The following SPG7 variants were observed in gnomAD, a reference collection of about 807,000 sequenced individuals.
SPG7 encodes the protein SPG7 matrix AAA peptidase subunit, paraplegin.
In SPG7, 103 loss-of-function variants were observed where a neutral mutation model predicts 81.9. The ratio of observed to expected loss-of-function variants is 1.26; its 90% CI spans 1.07 to 1.48. The LOEUF (loss-of-function observed/expected upper bound fraction) is 1.48. Ranked by LOEUF, SPG7 falls within the 40% of genes most tolerant of loss-of-function variation. The pLI is 0.00. For synonymous variants in SPG7, 534 were observed against 444.2 expected (o/e 1.20, Z -2.54); for missense variants, 1,241 against 1,087.3 (o/e 1.14, Z -1.99).
rs562890289 is a variant in SPG7, at chr16:89,544,770, C to T, written c.1447C>T (p.Gln483Ter). The change falls in exon 10 of 17, where the codon CAG (glutamine) becomes TAG (stop). Residue 483 changes from glutamine to a stop codon, truncating the protein, a stop_gained and splice_region_variant. Coordinates refer to ENST00000645818, the MANE Select transcript of SPG7 (RefSeq NM_003119.4). LOFTEE classifies it high-confidence loss of function. ...CGTCTTCATTGATCTCCCCACGCTG[C>T]AGGTCAGAGCCAGGATCCCAGCCTC... ...RHVFIDLPTLQERREIFEQHL... is the reference protein window; with the variant it reads ...RHVFIDLPTL The T allele has an allele frequency of 8.1e-6, 13 of 1,613,994 alleles. No homozygotes were observed. The African/African-American group carries it at 9.3e-5, about 12-fold the overall frequency.
At chr16:89,513,807 C>T (rs2058054086) in intron 3 of SPG7, among the ~76,000 whole-genome samples, 1 of 152,204 alleles carries the variant, frequency 6.6e-6, no homozygotes, top group Middle Eastern at 3.2e-3. Flanking sequence ...TCTAGAAAGG[C>T]ACCTGGCCTT....
chr16:89,531,913 C>A lies in SPG7; in HGVS notation c.997C>A (p.Arg333Ser). 1 of 1,614,098 alleles carries A rather than the reference C, an allele frequency of 6.2e-7. No homozygotes were observed. Among genetic ancestry groups the A allele is most frequent in the Non-Finnish European group, 8.5e-7 (1 of 1,179,944 alleles). ...EFVDYLKSPE[R>S]FLQLGAKVPK... ...GTCTGCTGCCGTCCAGAGCCCAGAA[C>A]GCTTCCTCCAGCTTGGCGCCAAGGT... Residue 333 changes from arginine (R) to serine (S), a missense_variant, in exon 8 of 17, where the codon CGC becomes AGC. Coordinates refer to ENST00000645818, the MANE Select transcript of SPG7 (RefSeq NM_003119.4).
At chr16:89,536,694 G>A (rs1475583130) in intron 9 of SPG7, 32 of 1,585,368 alleles carry the variant, frequency 2.0e-5, no homozygotes, top group Middle Eastern at 2.3e-4. Flanking sequence ...GGGCGGCTGC[G>A]CTGCTCTGGC....
At chr16:89,521,913 C>T (rs1408047573) in intron 3 of SPG7, 4 of 151,548 alleles carry the variant, frequency 2.6e-5, no homozygotes, top group Non-Finnish European at 5.9e-5. Context: ...CTCAGTTTCC[C>T]GGGAGCAGTG....
rs1479632689 is a variant in SPG7 at position 89,553,298 on chromosome 16, A to G, written c.1936+163A>G. 1.4e-5 allele frequency: 11 copies of G among 771,690 alleles called. No individual in the cohort carries two copies. The East Asian group carries it at 2.7e-4, about 19-fold the overall frequency. The allele number at this position is 771,690 out of a possible 1,614,324, so 47.8% of individuals were successfully genotyped here. A position where few individuals can be genotyped will look rare whatever the true frequency, so the allele number is the denominator to read the frequency against. On this transcript the variant is annotated intron_variant, in intron 14 of 16. Transcript: ENST00000645818. ...TTGTGGTCATAAGAGAGTTGGAGCTAAGCAAGACTTCTTAGATAATTTAAT... is the reference window on the plus strand; with the variant it reads ...TTGTGGTCATAAGAGAGTTGGAGCTGAGCAAGACTTCTTAGATAATTTAAT...
intron 3 of SPG7, chr16:89,522,275 A>G (rs1248223989): frequency 2.0e-5 from 3 of 152,242 alleles, no homozygotes; most frequent in Non-Finnish European, 4.4e-5. Flanking sequence ...CGATTTAAAA[A>G]TTGTTTGAAT....
intron 13 of SPG7, chr16:89,552,115 G>T (rs757393090): frequency 6.6e-6 from 1 of 152,264 alleles, no homozygotes; most frequent in Non-Finnish European, 1.5e-5. Context: ...CCGGAGTCCA[G>T]TGGTGCGATC....
intron 10 of SPG7, chr16:89,546,044 C>G: frequency 2.8e-6 from 1 of 357,996 alleles, no homozygotes; most frequent in Non-Finnish European, 5.5e-6. Context: ...GGTGTCAAAC[C>G]CCTGGCCTCA....
chr16:89,545,829 T>C (rs1484072759), intron 10 of SPG7: 1 of 411,468 alleles, frequency 2.4e-6, no homozygotes, highest in South Asian at 1.8e-5. Context: ...TATTCTGCTA[T>C]AATTTTTTCT....
chr16:89,524,626 T>C (rs1035473115), intron 4 of SPG7, among the ~76,000 whole-genome samples: 5 of 151,822 alleles, frequency 3.3e-5, no homozygotes, highest in African/African-American at 9.7e-5. Flanking sequence ...GTAGTTCTAG[T>C]AGAGATGGGG....
At chr16:89,530,586 G>C in intron 6 of SPG7, 97 bp from the exon 7 acceptor site, 3 of 1,400,658 alleles carry the variant, frequency 2.1e-6, no homozygotes, top group Non-Finnish European at 3.0e-6. Flanking sequence ...TGGAGACGTG[G>C]GGTTGGGGCG....
At chr16:89,534,170 C>A (rs936336695) in intron 9 of SPG7, among the ~76,000 whole-genome samples, 6 of 152,212 alleles carry the variant, frequency 3.9e-5, no homozygotes, top group African/African-American at 1.4e-4. Flanking sequence ...CCCCATTCTC[C>A]ATCCCCAGCC....
chr16:89,548,252 C>T (rs1390735606), intron 12 of SPG7, 139 bp downstream of exon 12: 4 of 666,152 alleles, frequency 6.0e-6, no homozygotes, highest in Non-Finnish European at 8.2e-6. Context: ...TTCTGCGTAA[C>T]TCATGTCTTT....
chr16:89,544,665 C>G lies in SPG7; in HGVS notation c.1342C>G (p.His448Asp). 1 of 1,614,094 alleles carries G rather than the reference C, an allele frequency of 6.2e-7. No homozygotes were observed. Among genetic ancestry groups the G allele is most frequent in the Middle Eastern group, 1.6e-4 (1 of 6,062 alleles). Residue 448 changes from histidine to aspartate, a missense_variant, in exon 10 of 17, where the codon CAT becomes GAT. By Grantham distance (81) the His-to-Asp change is moderately conservative (BLOSUM62 -1). Transcript: ENST00000645818. ...CCCCTCAGGAATGGGTACCACAGAC[C>G]ATGTCATCGTCCTGGCGTCCACGAA... is the stretch of plus-strand genomic sequence containing the variant. ...VEMDGMGTTDHVIVLASTNRA... is the reference protein window; with the variant it reads ...VEMDGMGTTDDVIVLASTNRA...
chr16:89,535,742 G>A (rs187121188), intron 9 of SPG7, among the ~76,000 whole-genome samples: 9 of 152,336 alleles, frequency 5.9e-5, no homozygotes, highest in Admixed American at 1.3e-4. Context: ...TACCTCAAGC[G>A]GAGATCACCA....
chr16:89,513,391 C>A (rs532391887), intron 3 of SPG7, among the ~76,000 whole-genome samples: 34 of 152,106 alleles, frequency 2.2e-4, no homozygotes, highest in African/African-American at 8.0e-4. Flanking sequence ...TGGCACACGC[C>A]TGTAATCCCA....
intron 8 of SPG7, 145 bp downstream of exon 8, chr16:89,532,211 GT>G: frequency 1.0e-6 from 1 of 998,682 alleles, no homozygotes; most frequent in Admixed American, 2.2e-5. Flanking sequence ...TGGCGGAGGG[GT>G]TTTGTCTGCG....
intron 12 of SPG7, chr16:89,548,602 T>TTAAAAAAG: frequency 3.2e-6 from 1 of 315,182 alleles, no homozygotes; most frequent in Non-Finnish European, 6.2e-6. Flanking sequence ...GTGAAACTCA[T>TTAAAAAAG]GGTCCCGACC....
intron 13 of SPG7, 102 bp from the exon 14 acceptor site, chr16:89,552,864 ATTTGCCTTCCTGC>A: frequency 1.0e-6 from 1 of 978,240 alleles, no homozygotes; most frequent in South Asian, 1.4e-5. Context: ...GATGCTGCAC[ATTTGCCTTCCTGC>A]TTTGAGACGC....
Sources: gnomAD v4.1 joint callset for allele counts (sites outside exome capture counted in the v4.1 genomes callset) on GRCh38, gnomAD v4.1.1 for gene constraint, MANE v1.5 for transcripts, NCBI Gene and HGNC (gene_info 2026-07-23, HGNC 2026-07-21) for gene names.